Variants in TNFRSF4 observed in about 807,000 individuals in gnomAD.
TNFRSF4 encodes tumor necrosis factor receptor superfamily member 4.
A neutral mutation model predicts 29.5 loss-of-function variants in TNFRSF4; 21 were observed. The observed-to-expected ratio is 0.71, with a 90% CI of 0.51 to 1.03. The LOEUF is 1.03. Ranked by LOEUF, TNFRSF4 falls within the 50% of genes least tolerant of loss-of-function variation. The pLI, the probability that TNFRSF4 is intolerant of heterozygous loss-of-function variation, is 0.00. For missense variants in TNFRSF4, 408 were observed against 387.8 expected (o/e 1.05, Z -0.44); for synonymous variants, 197 against 172.7 (o/e 1.14, Z -1.10).
intron 2 of TNFRSF4, 152 bp downstream of exon 2, chr1:1,213,511 T>C (rs1432719575): frequency 6.8e-7 from 1 of 1,464,890 alleles, no homozygotes; most frequent in Non-Finnish European, 9.0e-7. Flanking sequence ...ACGCCTCAGC[T>C]CCTCGAAGGA....
At position 1,213,024 on chromosome 1, in the gene TNFRSF4, G is replaced by A. The variant is rs764954719; in HGVS notation, c.338C>T (p.Thr113Ile). The change falls in exon 3 of 7, where the codon ACC becomes ATC. Residue 113 changes from threonine (T) to isoleucine (I), a missense_variant. Physicochemically the swap from Thr to Ile is moderately conservative, Grantham distance 89. Transcript: ENST00000379236. ...AGGCTTGTAGCTGTCCAGGGGCTGG[G>A]TGCCCGCCCGGCAGCGGCAGACTGT... ...QDTVCRCRAG[T>I]QPLDSYKPGV... 1.2e-6 allele frequency: 2 copies of A among 1,611,594 alleles called. No individual in the cohort carries two copies. The highest frequency in any genetic ancestry group is 2.7e-5 in the African/African-American group (2 of 74,914).
chr1:1,213,381 C>T (rs1649285823), intron 2 of TNFRSF4: 3 of 1,529,158 alleles, frequency 2.0e-6, no homozygotes, highest in East Asian at 2.5e-5. Flanking sequence ...CATGGCCCAA[C>T]CCCCCAGCCT....
At chr1:1,213,220 C>T (rs1649270638) in intron 2 of TNFRSF4, 127 bp from the exon 3 acceptor site, 2 of 1,535,140 alleles carry the variant, frequency 1.3e-6, no homozygotes, top group Middle Eastern at 1.7e-4. Context: ...GGTCTGCGGC[C>T]TCCCCTGAGA....
chr1:1,212,640 G>A lies in TNFRSF4; in HGVS notation c.435C>T (p.Thr145=). The change falls in exon 4 of 7, where the codon ACC becomes ACT. Residue 145 remains threonine (T), a splice_region_variant and synonymous_variant. Coordinates refer to ENST00000379236, the MANE Select transcript of TNFRSF4 (RefSeq NM_003327.4). ...CAGCCCCTGGCCAGGCCCCTCACTT[G>A]GTCCAGGGCTTGCAGGCCTGGTTGT... ...PGDNQACKPW[T]NCTLAGKHTL... The A allele has an allele frequency of 7.0e-7, 1 of 1,428,596 alleles. No homozygotes were observed. The highest frequency in any genetic ancestry group is 9.3e-7 in the Non-Finnish European group (1 of 1,080,608). 88.5% of individuals were successfully genotyped at this position (1,428,596 alleles called of 1,614,324 possible). A position where few individuals can be genotyped will look rare whatever the true frequency, so the allele number is the denominator to read the frequency against.
intron 2 of TNFRSF4, 168 bp downstream of exon 2, chr1:1,213,494 CT>C: frequency 6.8e-7 from 1 of 1,468,790 alleles, no homozygotes; most frequent in Non-Finnish European, 9.0e-7. Context: ...GGGGGTGCCC[CT>C]GGGAGACGCC....
rs1369335095 is a variant in TNFRSF4 at position 1,213,658 on chromosome 1, C to T, written c.268+5G>A. 3 of 1,584,824 alleles carry T rather than the reference C, an allele frequency of 1.9e-6. No individual in the cohort carries two copies. The highest frequency in any genetic ancestry group is 2.6e-6 in the Non-Finnish European group (3 of 1,165,872). On this transcript the variant is annotated splice_donor_5th_base_variant and intron_variant, in intron 2 of 6. Transcript: ENST00000379236. ...GTGGGGCTGTGGGGCCAGGTGGGAG[C>T]TCACTGAGGTTACACCACGTGCAGG...
intron 5 of TNFRSF4, 54 bp downstream of exon 5, chr1:1,211,888 C>T: frequency 5.3e-6 from 8 of 1,509,162 alleles, no homozygotes; most frequent in Non-Finnish European, 7.1e-6. Context: ...ATGCCGCCCT[C>T]CCCTTCTCCT....
rs777266991 is a variant in TNFRSF4 at position 1,213,030 on chromosome 1, G to A, written c.332C>T (p.Ala111Val). Residue 111 changes from alanine (A) to valine (V), a missense_variant, in exon 3 of 7, where the codon GCG (alanine) becomes GTG (valine). Transcript: ENST00000379236. ...ATQDTVCRCR[A>V]GTQPLDSYKP... ...GTAGCTGTCCAGGGGCTGGGTGCCC[G>A]CCCGGCAGCGGCAGACTGTGTCCTG... 28 of 1,611,362 alleles carry A rather than the reference G, an allele frequency of 1.7e-5. No homozygotes were observed. Among genetic ancestry groups the A allele is most frequent in the African/African-American group, 2.7e-5 (2 of 74,896 alleles).
intron 4 of TNFRSF4, 89 bp from the exon 5 acceptor site, chr1:1,212,227 C>G: frequency 1.4e-6 from 2 of 1,415,308 alleles, no homozygotes; most frequent in Non-Finnish European, 2.0e-6. Flanking sequence ...CGCTGGCCAG[C>G]CACAGGCAGC....
At position 1,212,091 on chromosome 1, in the gene TNFRSF4, G is replaced by T; in HGVS notation, c.485C>A (p.Ser162Ter). 1 of 1,612,610 alleles carries T rather than the reference G, an allele frequency of 6.2e-7. No individual in the cohort carries two copies. The highest frequency in any genetic ancestry group is 1.3e-5 in the African/African-American group (1 of 75,028). The change falls in exon 5 of 7, where the codon TCG becomes TAG. Residue 162 changes from serine (S) to a stop codon, truncating the protein, a stop_gained. Coordinates refer to ENST00000379236, the MANE Select transcript of TNFRSF4 (RefSeq NM_003327.4). LOFTEE classifies it high-confidence loss of function. ...GTCCCTGTCCTCACAGATTGCGTCC[G>T]AGCTATTGCTGGCCGGCTGCAGGGT... ...KHTLQPASNS[S>*]DAICEDRDPP...
chr1:1,212,264 C>A, intron 4 of TNFRSF4, 126 bp from the exon 5 acceptor site: 1 of 1,121,744 alleles, frequency 8.9e-7, no homozygotes, highest in Non-Finnish European at 1.3e-6. Context: ...AGGCCAGTGA[C>A]AGCCAAGGAC....
intron 1 of TNFRSF4, 92 bp downstream of exon 1, chr1:1,213,891 C>CCCCCCCCG: frequency 7.0e-7 from 1 of 1,429,566 alleles, no homozygotes; most frequent in Non-Finnish European, 9.3e-7. Context: ...CACCCGCCCC[C>CCCCCCCCG]TCCCCAGGAC....
intron 2 of TNFRSF4, 74 bp downstream of exon 2, chr1:1,213,589 G>C: frequency 4.7e-6 from 7 of 1,502,130 alleles, no homozygotes; most frequent in Non-Finnish European, 6.2e-6. Context: ...GCCCCATGCT[G>C]CTGCGTGGGA....
Position 1,214,012 on chromosome 1 carries a change from T to A in TNFRSF4, c.116A>T (p.Asn39Ile). 2 of 1,605,206 alleles carry A rather than the reference T, an allele frequency of 1.2e-6. No individual in the cohort carries two copies. The highest frequency in any genetic ancestry group is 1.7e-6 in the Non-Finnish European group (2 of 1,178,162). Reference sequence around the variant, plus strand: ...CCTGCACTCGTGGCAGCACCGGTCGTTGCTGGGGTAGGTGTCCCCGACACA... The same window carrying A: ...CCTGCACTCGTGGCAGCACCGGTCGATGCTGGGGTAGGTGTCCCCGACACA... ...LHCVGDTYPS[N>I]DRCCHECRPG... The change falls in exon 1 of 7, where the codon AAC (asparagine) becomes ATC (isoleucine). Residue 39 changes from asparagine (N) to isoleucine (I), a missense_variant. Asn to Ile is a moderately radical substitution (Grantham distance 149). Coordinates refer to ENST00000379236, the MANE Select transcript of TNFRSF4 (RefSeq NM_003327.4). The surrounding 1 kb of genome is among the most constrained non-coding windows in gnomAD (Gnocchi z 4.2).
rs968529227 is a variant in TNFRSF4, at chr1:1,211,651, G to T, written c.764-26C>A. 5 of 1,565,300 alleles carry T rather than the reference G, an allele frequency of 3.2e-6. No homozygotes were observed. In the African/African-American group the frequency reaches 6.9e-5, roughly 22 times the overall value. On this transcript the variant is annotated intron_variant, in intron 6 of 6. Transcript: ENST00000379236. ...CTGGGGAGGAAAAAAGGAGAGATTGGTGGGTGGGCCTCACCCGCCAGGAGC... is the reference window on the plus strand; with the variant it reads ...CTGGGGAGGAAAAAAGGAGAGATTGTTGGGTGGGCCTCACCCGCCAGGAGC...
At chr1:1,212,872 G>A (rs1015997962) in intron 3 of TNFRSF4, 120 bp downstream of exon 3, 20 of 1,285,428 alleles carry the variant, frequency 1.6e-5, no homozygotes, top group African/African-American at 1.1e-4. Flanking sequence ...CCGGGAGCTC[G>A]GTCTTGAGGA....
rs761778989 is a variant in TNFRSF4, at chr1:1,212,992, C to G, written c.370G>C (p.Asp124His). 15 of 1,609,716 alleles carry G rather than the reference C, an allele frequency of 9.3e-6. No homozygotes were observed. Among genetic ancestry groups the G allele is most frequent in the Non-Finnish European group, 1.3e-5 (15 of 1,178,486 alleles). ...QPLDSYKPGV[D>H]CAPCPPGHFS... The stretch of plus-strand genomic sequence containing the variant: ...CGCCGGCCGCAGCCACCGAGCTCAC[C>G]AACTCCAGGCTTGTAGCTGTCCAGG... The change falls in exon 3 of 7, where the codon GAC becomes CAC. Residue 124 changes from aspartate to histidine, a missense_variant and splice_region_variant. Asp to His is a moderately conservative substitution (Grantham distance 81). Transcript: ENST00000379236.
At chr1:1,211,861 C>T (rs1649135048) in intron 5 of TNFRSF4, 29 bp from the exon 6 acceptor site, 1 of 1,522,264 alleles carries the variant, frequency 6.6e-7, no homozygotes, top group African/African-American at 1.4e-5. Context: ...TGGGTGGGGT[C>T]CACAGGAGGG....
chr1:1,213,101 G>A lies in TNFRSF4; in HGVS notation c.269-8C>T, dbSNP rs2100954128. 1 of 1,604,398 alleles carries A rather than the reference G, an allele frequency of 6.2e-7. No homozygotes were observed. Among genetic ancestry groups the A allele is most frequent in the Non-Finnish European group, 8.5e-7 (1 of 1,177,192 alleles). On this transcript the variant is annotated splice_region_variant and splice_polypyrimidine_tract_variant and intron_variant, in intron 2 of 6. Coordinates refer to ENST00000379236, the MANE Select transcript of TNFRSF4 (RefSeq NM_003327.4). ...TCCGCTCACTCCCACTTCCTGAGCA[G>A]GGGCCGGATGGGGGGGTGGTCAGGT...
Sources: allele counts gnomAD v4.1 joint callset, GRCh38; gene constraint gnomAD v4.1.1; non-coding constraint Gnocchi (gnomAD v3.1); transcripts MANE v1.5; gene names NCBI Gene and HGNC (gene_info 2026-07-23, HGNC 2026-07-21).